Variants in MYO10 observed in about 807,000 individuals in gnomAD.
The protein encoded by MYO10 is unconventional myosin-X.
A neutral mutation model predicts 257.3 loss-of-function variants in MYO10; 133 were observed. The ratio of observed to expected loss-of-function variants is 0.52; its 90% confidence interval spans 0.45 to 0.60. The LOEUF is 0.60. Among genes scored for constraint, MYO10 ranks in the 20% least tolerant of loss-of-function variants. The pLI, the probability that MYO10 is intolerant of heterozygous loss-of-function variation, is 0.00. For missense variants in MYO10, 2,399 were observed against 2,635.7 expected, an observed-to-expected ratio of 0.91 and a Z score of 1.97; for synonymous variants, 1,104 against 1,028.6, an observed-to-expected ratio of 1.07 and a Z score of -1.40.
chr5:16,891,725 C>T (rs548127828), intron 1 of MYO10, among the ~76,000 whole-genome samples: 16 of 152,218 alleles, frequency 1.1e-4, no homozygotes, highest in African/African-American at 3.6e-4. Context: ...CCCTGGAATC[C>T]GTTATCCCAA....
In MYO10 at chr5:16,761,554, TAATA is replaced by T; in HGVS notation, c.1657-12_1657-9del. On this transcript the variant is annotated splice_polypyrimidine_tract_variant and intron_variant, in intron 16 of 40. Coordinates refer to ENST00000513610, the MANE Select transcript of MYO10 (RefSeq NM_012334.3). ...TCGGACATCATATTGCACCTAGTTT[TAATA>T]AATAAGAGAGGAGAAAACTGATTGA... 1.2e-6 allele frequency: 2 copies of T among 1,604,990 alleles called. No homozygotes were observed. Among genetic ancestry groups the T allele is most frequent in the Non-Finnish European group, 1.7e-6 (2 of 1,172,074 alleles).
intron 19 of MYO10, among the ~76,000 whole-genome samples, chr5:16,725,517 T>G (rs1311949774): frequency 6.6e-6 from 1 of 152,192 alleles, no homozygotes; most frequent in Non-Finnish European, 1.5e-5. Context: ...TCTTTACAAC[T>G]ACTCTATGAA....
At chr5:16,837,211 G>A (rs1206729575) in intron 2 of MYO10, among the ~76,000 whole-genome samples, 1 of 152,090 alleles carries the variant, frequency 6.6e-6, no homozygotes, top group Non-Finnish European at 1.5e-5. Flanking sequence ...TTGGGAGGCT[G>A]AAGCAGGAGA....
chr5:16,698,314 C>T (rs1737854743), intron 26 of MYO10, among the ~76,000 whole-genome samples: 1 of 152,106 alleles, frequency 6.6e-6, no homozygotes, highest in Non-Finnish European at 1.5e-5. Flanking sequence ...TGAGCCATGA[C>T]CACACCACTG....
At chr5:16,918,800 CCACTGAAAGTATTTTTCGAGCCCT>C (rs1356296070) in intron 1 of MYO10, among the ~76,000 whole-genome samples, 1 of 152,092 alleles carries the variant, frequency 6.6e-6, no homozygotes, top group Non-Finnish European at 1.5e-5. Context: ...CGCGCCTGGC[CCACTGAAAGTATTTTTCGAGCCCT>C]CACTCGGAAC....
intron 19 of MYO10, among the ~76,000 whole-genome samples, chr5:16,733,447 G>GAAAAA (rs544321990): frequency 6.6e-6 from 1 of 151,240 alleles, no homozygotes; most frequent in Non-Finnish European, 1.5e-5. Flanking sequence ...GATACCAGAA[G>GAAAAA]AAAAAAAAAG....
At chr5:16,860,346 A>G (rs2126744814) in intron 2 of MYO10, among the ~76,000 whole-genome samples, 1 of 152,174 alleles carries the variant, frequency 6.6e-6, no homozygotes, top group East Asian at 1.9e-4. Context: ...GAGAAGAGGA[A>G]GAAGAAAGAC....
intron 14 of MYO10, 122 bp downstream of exon 14, chr5:16,763,359 T>C (rs929204555): frequency 1.7e-5 from 13 of 778,906 alleles, no homozygotes; most frequent in African/African-American, 5.2e-5. Context: ...AAATGGTCCA[T>C]TGTGTTCTAA....
At chr5:16,859,362 T>C (rs1260283893) in intron 2 of MYO10, among the ~76,000 whole-genome samples, 1 of 152,132 alleles carries the variant, frequency 6.6e-6, no homozygotes, top group African/African-American at 2.4e-5. Context: ...ATATGGGCAC[T>C]AACTCCATTC....
rs147680475 is a variant in MYO10, at chr5:16,676,065, G to A, written c.4632C>T (p.Leu1544=). 2.0e-3 allele frequency: 3,279 copies of A among 1,613,266 alleles called. 3 individuals carry two copies. The highest frequency in any genetic ancestry group is 2.3e-3 in the Non-Finnish European group (2,710 of 1,179,622). Residue 1544 remains leucine (L), a synonymous_variant, in exon 34 of 41, where the codon CTC becomes CTT. Transcript: ENST00000513610. ...TTATGTCCCCATACGGAAGGGGCAG[G>A]AGCGGGGAGTGCAAGGGGTGATGGG... is the stretch of plus-strand genomic sequence containing the variant. ...RYTHHPLHSP[L]LPLPYGDINL...
chr5:16,715,171 T>C (rs1257558914), intron 19 of MYO10, among the ~76,000 whole-genome samples: 1 of 147,238 alleles, frequency 6.8e-6, no homozygotes, highest in African/African-American at 2.5e-5. Flanking sequence ...AAAGATCAAA[T>C]TGAAGACATA....
chr5:16,912,183 T>C (rs1745677122), intron 1 of MYO10, among the ~76,000 whole-genome samples: 1 of 152,192 alleles, frequency 6.6e-6, no homozygotes, highest in African/African-American at 2.4e-5. Context: ...GACACCCTGA[T>C]CTAAAGACTT....
chr5:16,787,848 A>T (rs925528602), intron 4 of MYO10, among the ~76,000 whole-genome samples: 2 of 152,054 alleles, frequency 1.3e-5, no homozygotes, highest in Non-Finnish European at 2.9e-5. Context: ...CCCAGGCTGG[A>T]GTGCAGTGGC....
At chr5:16,842,131 A>G (rs899959202) in intron 2 of MYO10, among the ~76,000 whole-genome samples, 1 of 152,286 alleles carries the variant, frequency 6.6e-6, no homozygotes, top group Non-Finnish European at 1.5e-5. Context: ...AGAACCCTTT[A>G]TATGTATAAG....
intron 2 of MYO10, among the ~76,000 whole-genome samples, chr5:16,845,277 T>C (rs1158348534): frequency 6.6e-6 from 1 of 152,104 alleles, no homozygotes; most frequent in East Asian, 1.9e-4. Flanking sequence ...ATGAGAAATA[T>C]AAGACCACAG....
chr5:16,844,634 T>C (rs1213365585), intron 2 of MYO10, among the ~76,000 whole-genome samples: 2 of 152,198 alleles, frequency 1.3e-5, no homozygotes, highest in Admixed American at 6.6e-5. Context: ...GTGCCTAATC[T>C]ATACTCAACT....
At chr5:16,752,414 C>T (rs1740402341) in intron 19 of MYO10, among the ~76,000 whole-genome samples, 1 of 152,122 alleles carries the variant, frequency 6.6e-6, no homozygotes, top group African/African-American at 2.4e-5. Flanking sequence ...TCCCAAGTAG[C>T]TGGGACTACA....
intron 2 of MYO10, among the ~76,000 whole-genome samples, chr5:16,863,905 C>T (rs1478092812): frequency 1.3e-5 from 2 of 152,154 alleles, no homozygotes; most frequent in Non-Finnish European, 1.5e-5. Flanking sequence ...CGTGACCAGC[C>T]TGGGCAACAA....
intron 2 of MYO10, among the ~76,000 whole-genome samples, chr5:16,867,700 T>C (rs950842780): frequency 2.6e-5 from 4 of 152,210 alleles, no homozygotes; most frequent in African/African-American, 7.2e-5. Context: ...GAGCTGTGAT[T>C]ATAAATAATT....
Sources: allele counts gnomAD v4.1 joint callset (sites outside exome capture counted in the v4.1 genomes callset), GRCh38; gene constraint gnomAD v4.1.1; transcripts MANE v1.5; gene names NCBI Gene and HGNC (gene_info 2026-07-23, HGNC 2026-07-21).